Variants in MICALL1 observed in about 807,000 individuals in gnomAD.
MICALL1 encodes MICAL-like protein 1.
A neutral mutation model predicts 83.7 loss-of-function variants in MICALL1; 61 were observed. The ratio of observed to expected loss-of-function variants is 0.73; its 90% CI spans 0.59 to 0.90. The LOEUF (loss-of-function observed/expected upper bound fraction) is 0.90, where lower values mean the gene tolerates loss of function less well. Among genes scored for constraint, MICALL1 ranks in the 40% least tolerant of loss-of-function variants. MICALL1 has a pLI of 0.00. For missense variants in MICALL1, 1,066 were observed against 1,152.0 expected, an observed-to-expected ratio of 0.93 and a Z score of 1.08; for synonymous variants, 481 against 473.6, an observed-to-expected ratio of 1.02 and a Z score of -0.20.
In MICALL1 at chr22:37,912,495, G is replaced by A. The variant is rs200590872; in HGVS notation, c.337+3G>A. 1.7e-5 allele frequency: 27 copies of A among 1,600,602 alleles called. No individual in the cohort carries two copies. Among genetic ancestry groups the A allele is most frequent in the Non-Finnish European group, 2.3e-5 (27 of 1,170,010 alleles). ...CCACTTCTGCAGTCCTGGCCAAGGT[G>A]AGAGGGGGACTCAGCGTTTCACGGA... On this transcript the variant is annotated splice_donor_region_variant and intron_variant, in intron 3 of 15. Transcript: ENST00000215957.
chr22:37,924,407 G>A lies in MICALL1; in HGVS notation c.1025-253G>A, dbSNP rs911593245. Among the ~76,000 whole-genome samples, 3 of 152,156 alleles carry A rather than the reference G, an allele frequency of 2.0e-5. No individual in the cohort carries two copies. Among genetic ancestry groups the A allele is most frequent in the Admixed American group, 2.0e-4 (3 of 15,272 alleles). On this transcript the variant is annotated intron_variant, in intron 6 of 15. Coordinates refer to ENST00000215957, the MANE Select transcript of MICALL1 (RefSeq NM_033386.4). The surrounding 1 kb of genome is among the most constrained non-coding windows in gnomAD (Gnocchi z 5.2). The stretch of plus-strand genomic sequence containing the variant: ...GATGATGTTTTCTGCCCACACTGGC[G>A]GGGGGTGTCTGAGGGGATTTGGGTT...
chr22:37,912,133 C>A (rs1422093779), intron 2 of MICALL1, 133 bp downstream of exon 2: 2 of 1,193,200 alleles, frequency 1.7e-6, no homozygotes, highest in Non-Finnish European at 1.2e-6. Context: ...CACCTTTCCC[C>A]ACCCTCTGCT....
chr22:37,918,448 C>T (rs1423640836), intron 4 of MICALL1, among the ~76,000 whole-genome samples: 1 of 152,160 alleles, frequency 6.6e-6, no homozygotes, highest in African/African-American at 2.4e-5. Flanking sequence ...GGGAGCTAGC[C>T]CCAGGGTGGG....
intron 1 of MICALL1, among the ~76,000 whole-genome samples, chr22:37,908,669 A>T (rs1928120000): frequency 6.6e-6 from 1 of 152,146 alleles, no homozygotes; most frequent in Non-Finnish European, 1.5e-5. Flanking sequence ...TGTGCTGGAC[A>T]CTGTACCTGG....
chr22:37,908,987 G>A (rs1928143598), intron 1 of MICALL1, among the ~76,000 whole-genome samples: 1 of 152,296 alleles, frequency 6.6e-6, no homozygotes, highest in South Asian at 2.1e-4. Context: ...GGGACAGATG[G>A]CTGACAGCTG....
intron 13 of MICALL1, among the ~76,000 whole-genome samples, chr22:37,934,400 G>A (rs1190257629): frequency 6.6e-6 from 1 of 151,982 alleles, no homozygotes; most frequent in Non-Finnish European, 1.5e-5. Context: ...ACTTACCCAG[G>A]CCCCAGATAT....
chr22:37,920,779 C>T lies in MICALL1; in HGVS notation c.570-1193C>T, dbSNP rs1489835987. Among the ~76,000 whole-genome samples, 6 of 151,920 alleles carry T rather than the reference C, an allele frequency of 3.9e-5. No individual in the cohort carries two copies. In the East Asian group the frequency reaches 5.8e-4, roughly 15 times the overall value. ...TACTAAAAATACAAAAAAAATTAGC[C>T]GGGCATGGTGGTGGCAGGCGCCTGT... is the stretch of plus-strand genomic sequence containing the variant. On this transcript the variant is annotated intron_variant, in intron 5 of 15. Coordinates refer to ENST00000215957, the MANE Select transcript of MICALL1 (RefSeq NM_033386.4).
intron 3 of MICALL1, among the ~76,000 whole-genome samples, chr22:37,916,905 C>T (rs1241317118): frequency 6.6e-6 from 1 of 152,078 alleles, no homozygotes; most frequent in Non-Finnish European, 1.5e-5. Flanking sequence ...GCTCGGTTGC[C>T]CAGGCTGGAG....
In MICALL1 at chr22:37,942,136, C is replaced by G. The variant is rs1415625583; in HGVS notation, c.*1306C>G. The G allele has an allele frequency of 2.6e-5, 4 of 152,294 alleles. No homozygotes were observed. The highest frequency in any genetic ancestry group is 2.0e-4 in the Admixed American group (3 of 15,290). The allele number at this position is 152,294 out of a possible 1,614,324, so 9.4% of individuals were successfully genotyped here. Reference sequence around the variant, plus strand: ...TGGGGCCATCCTCCAAGAGGGATCTCTGCCCTCACCGCCTGCCACTGGGCA... The same window carrying G: ...TGGGGCCATCCTCCAAGAGGGATCTGTGCCCTCACCGCCTGCCACTGGGCA... On this transcript the variant is annotated 3_prime_UTR_variant, in exon 16 of 16. Transcript: ENST00000215957.
chr22:37,926,621 C>T (rs1929459662), intron 8 of MICALL1: 1 of 153,430 alleles, frequency 6.5e-6, no homozygotes, highest in African/African-American at 2.4e-5. Flanking sequence ...GTTTTTGGCC[C>T]TCACCTTCTC....
At chr22:37,916,532 A>T (rs1473115714) in intron 3 of MICALL1, among the ~76,000 whole-genome samples, 3 of 152,134 alleles carry the variant, frequency 2.0e-5, no homozygotes, top group Non-Finnish European at 4.4e-5. Flanking sequence ...GCATTTCAAG[A>T]GTGACTTTGA....
Position 37,906,523 on chromosome 22 carries a change from G to A in MICALL1, c.101G>A (p.Gly34Asp). Reference protein sequence around the residue: ...IRDLSSSFRDGLAFCAILHRH... With the variant: ...IRDLSSSFRDDLAFCAILHRH... ...GACCTGAGCAGCTCCTTCCGGGACG[G>A]CCTGGCCTTCTGCGCCATCCTGCAC... The change falls in exon 1 of 16, where the codon GGC (glycine) becomes GAC (aspartate). Residue 34 changes from glycine (G) to aspartate (D), a missense_variant. Gly to Asp is a moderately conservative substitution (Grantham distance 94). Coordinates refer to ENST00000215957, the MANE Select transcript of MICALL1 (RefSeq NM_033386.4). This position sits in a 1 kb window ranked among gnomAD's most constrained non-coding sequence, Gnocchi z 4.4. 8.1e-7 allele frequency: 1 copy of A among 1,238,994 alleles called. No individual in the cohort carries two copies. Among genetic ancestry groups the A allele is most frequent in the South Asian group, 2.7e-5 (1 of 36,406 alleles). The allele number at this position is 1,238,994 out of a possible 1,614,324, so 76.8% of individuals were successfully genotyped here. A position where few individuals can be genotyped will look rare whatever the true frequency, so the allele number is the denominator to read the frequency against.
At chr22:37,915,728 C>T (rs1037326639) in intron 3 of MICALL1, among the ~76,000 whole-genome samples, 1 of 151,568 alleles carries the variant, frequency 6.6e-6, no homozygotes, top group Non-Finnish European at 1.5e-5. Flanking sequence ...AGACTGCAGC[C>T]TCTGCCTCCC....
At position 37,927,634 on chromosome 22, in the gene MICALL1, T is replaced by G. The variant is rs1929544573; in HGVS notation, c.1689T>G (p.Ser563=). 4 of 1,614,130 alleles carry G rather than the reference T, an allele frequency of 2.5e-6. No homozygotes were observed. Among genetic ancestry groups the G allele is most frequent in the Non-Finnish European group, 3.4e-6 (4 of 1,179,974 alleles). The part of the protein sequence containing the change: ...SLSTNSSLAS[S]GELVEPRVEQ... Reference sequence around the variant, plus strand: ...CTACCAACTCCTCCCTGGCCTCCTCTGGGGAACTAGTGGAGCCTAGAGTGG... The same window carrying G: ...CTACCAACTCCTCCCTGGCCTCCTCGGGGGAACTAGTGGAGCCTAGAGTGG... Residue 563 remains serine, a synonymous_variant, in exon 9 of 16, where the codon TCT becomes TCG. Coordinates refer to ENST00000215957, the MANE Select transcript of MICALL1 (RefSeq NM_033386.4).
Position 37,917,813 on chromosome 22 carries a change from G to A in MICALL1, c.426+18G>A, listed in dbSNP as rs757667953. Reference sequence around the variant, plus strand: ...TGGCTCAGGTAGGCAGATACCTGGAGAGGTGGGAGGGCCAGGGGTGGAGGG... The same window carrying A: ...TGGCTCAGGTAGGCAGATACCTGGAAAGGTGGGAGGGCCAGGGGTGGAGGG... On this transcript the variant is annotated intron_variant, in intron 4 of 15. Transcript: ENST00000215957. 3.1e-5 allele frequency: 50 copies of A among 1,610,144 alleles called. No homozygotes were observed. In the South Asian group the frequency reaches 5.2e-4, roughly 17 times the overall value.
intron 8 of MICALL1, chr22:37,926,602 A>G (rs1452321773): frequency 6.5e-6 from 1 of 153,692 alleles, no homozygotes; most frequent in African/African-American, 2.4e-5. Context: ...CTCACCCAGG[A>G]ACGCTGGAGT....
At chr22:37,925,555 C>T (rs541892646) in intron 7 of MICALL1, 106 bp from the exon 8 acceptor site, 10 of 710,578 alleles carry the variant, frequency 1.4e-5, no homozygotes, top group Admixed American at 2.8e-5. Flanking sequence ...GGGAAACAGC[C>T]GTTTCTCATC....
rs1601805398 is a variant in MICALL1, at chr22:37,912,278, A to T, written c.196-73A>T. The T allele has an allele frequency of 1.2e-5, 18 of 1,536,198 alleles. No individual in the cohort carries two copies. The East Asian group carries it at 4.1e-4, about 35-fold the overall frequency. ...ACTGAAGGGAGCTGGGCCTAGGCTG[A>T]GGGGTCGCCCCCTAACGCCTCCTCC... On this transcript the variant is annotated intron_variant, in intron 2 of 15. Coordinates refer to ENST00000215957, the MANE Select transcript of MICALL1 (RefSeq NM_033386.4).
At chr22:37,933,015 G>A in intron 12 of MICALL1, 24 bp from the exon 13 acceptor site, 1 of 1,614,042 alleles carries the variant, frequency 6.2e-7, no homozygotes, top group Non-Finnish European at 8.5e-7. Context: ...GAATTGTTAA[G>A]AGTCACCTTA....
Sources: allele counts gnomAD v4.1 joint callset (sites outside exome capture counted in the v4.1 genomes callset), GRCh38; gene constraint gnomAD v4.1.1; non-coding constraint Gnocchi (gnomAD v3.1); transcripts MANE v1.5; gene names NCBI Gene and HGNC (gene_info 2026-07-23, HGNC 2026-07-21).